The following DNAH8 variants were observed in gnomAD, a reference collection of about 807,000 sequenced individuals.
The protein encoded by DNAH8 is dynein axonemal heavy chain 8, also known as axonemal beta dynein heavy chain 8.
In DNAH8, 382 loss-of-function variants were observed where a neutral mutation model predicts 562.1. The observed-to-expected ratio is 0.68, with a 90% confidence interval of 0.63 to 0.74. The LOEUF is 0.74. Ranked by LOEUF, DNAH8 falls within the 30% of genes least tolerant of loss-of-function variation. DNAH8 has a pLI of 0.00. For missense variants in DNAH8, 5,203 were observed against 5,620.4 expected (o/e 0.93, Z 2.37); for synonymous variants, 1,881 against 1,919.4 (o/e 0.98, Z 0.52).
chr6:38,761,560 T>C (rs2127608556), intron 10 of DNAH8, 142 bp from the exon 11 acceptor site: 1 of 407,468 alleles, frequency 2.5e-6, no homozygotes, highest in African/African-American at 2.1e-5. Flanking sequence ...CCTCCCAAAG[T>C]ACTGGGATTA....
In DNAH8 at chr6:38,958,646, C is replaced by CAAAAA. The variant is rs35382684; in HGVS notation, c.12451+7145_12451+7149dup. ...TTGAATCAGTGATTAAGTCTCCCAT[C>CAAAAA]AAAAAAAAAAAAAAAAAAAAAAAGC... On this transcript the variant is annotated intron_variant, in intron 82 of 92. Transcript: ENST00000327475. Among the ~76,000 whole-genome samples the CAAAAA allele has an allele frequency of 3.7e-3, 218 of 58,256 alleles. 1 individual carries two copies. Among genetic ancestry groups the CAAAAA allele is most frequent in the East Asian group, 5.5e-3 (11 of 2,006 alleles). The allele number at this position is 58,256 out of a possible 152,430, so 38.2% of individuals were successfully genotyped here.
At chr6:39,016,575 C>T (rs1437038245) in intron 91 of DNAH8, among the ~76,000 whole-genome samples, 2 of 151,780 alleles carry the variant, frequency 1.3e-5, no homozygotes, top group Non-Finnish European at 2.9e-5. Context: ...AGAAAAAAGC[C>T]CTACATATTT....
intron 11 of DNAH8, among the ~76,000 whole-genome samples, chr6:38,768,585 A>G (rs772613017): frequency 2.0e-5 from 3 of 151,818 alleles, no homozygotes; most frequent in East Asian, 1.9e-4. Flanking sequence ...AAAAAAAACT[A>G]TTTGACTATA....
chr6:38,841,704 C>A (rs1774806664), intron 33 of DNAH8, among the ~76,000 whole-genome samples: 1 of 151,934 alleles, frequency 6.6e-6, no homozygotes, highest in African/African-American at 2.4e-5. Context: ...AACACAGTAA[C>A]TTCATCTGGG....
rs369774373 is a variant in DNAH8, at chr6:38,875,573, T to C, written c.7621-18T>C. The C allele has an allele frequency of 5.0e-6, 7 of 1,388,978 alleles. No individual in the cohort carries two copies. The highest frequency in any genetic ancestry group is 1.5e-5 in the African/African-American group (1 of 68,664). 86.0% of individuals were successfully genotyped at this position (1,388,978 alleles called of 1,614,324 possible). A position where few individuals can be genotyped will look rare whatever the true frequency, so the allele number is the denominator to read the frequency against. The stretch of plus-strand genomic sequence containing the variant: ...AAAATTTTAATTTAAAAATTTATTT[T>C]ATTTGAAACATTTTCAGTCTCTCAA... On this transcript the variant is annotated intron_variant, in intron 52 of 92. Transcript: ENST00000327475.
chr6:38,734,596 G>A lies in DNAH8; in HGVS notation c.733G>A (p.Val245Ile). 5 of 1,613,412 alleles carry A rather than the reference G, an allele frequency of 3.1e-6. No individual in the cohort carries two copies. Among genetic ancestry groups the A allele is most frequent in the Non-Finnish European group, 4.2e-6 (5 of 1,179,920 alleles). The change falls in exon 5 of 93, where the codon GTT (valine) becomes ATT (isoleucine). Residue 245 changes from valine to isoleucine, a missense_variant. Val to Ile is a conservative substitution (Grantham distance 29, BLOSUM62 3). Coordinates refer to ENST00000327475, the MANE Select transcript of DNAH8 (RefSeq NM_001206927.2). ...ATTTTTTGTTCGTTGCCGTAATGAT[G>A]TTGCTATAAATGTTAAAACTATTCA... ...CIFFVRCRND[V>I]AINVKTIQEE...
chr6:38,973,664 G>C lies in DNAH8; in HGVS notation c.12529G>C (p.Gly4177Arg). 1 of 1,590,894 alleles carries C rather than the reference G, an allele frequency of 6.3e-7. No individual in the cohort carries two copies. The highest frequency in any genetic ancestry group is 8.5e-7 in the Non-Finnish European group (1 of 1,171,614). Residue 4177 changes from glycine (G) to arginine (R), a missense_variant, in exon 84 of 93, where the codon GGT becomes CGT. Transcript: ENST00000327475. ...ATGAACTTATTTTTGGATACAGGGT[G>C]GTTGGGTATTACTACAAAATTGCCA... is the stretch of plus-strand genomic sequence containing the variant. ...KLIQMSMQQGGWVLLQNCHLG... is the reference protein window; with the variant it reads ...KLIQMSMQQGRWVLLQNCHLG...
chr6:38,770,015 C>T (rs72849162), intron 11 of DNAH8, among the ~76,000 whole-genome samples: 18,634 of 152,164 alleles, frequency 0.12, 1,392 homozygotes, highest in Admixed American at 0.22. Flanking sequence ...CTTTATGACC[C>T]TCTTTTGGAA....
At chr6:39,004,634 A>G (rs1335761746) in intron 88 of DNAH8, among the ~76,000 whole-genome samples, 1 of 152,242 alleles carries the variant, frequency 6.6e-6, no homozygotes, top group Non-Finnish European at 1.5e-5. Context: ...CCACTACAAT[A>G]TAACGTTATA....
chr6:38,861,673 A>G (rs911710489), intron 43 of DNAH8, among the ~76,000 whole-genome samples: 1 of 152,174 alleles, frequency 6.6e-6, no homozygotes, highest in African/African-American at 2.4e-5. Context: ...CTGGGACTAC[A>G]GGCGCATGCC....
At chr6:38,735,226 G>T (rs1202765698) in intron 5 of DNAH8, among the ~76,000 whole-genome samples, 5 of 152,142 alleles carry the variant, frequency 3.3e-5, no homozygotes, top group Non-Finnish European at 7.3e-5. Flanking sequence ...TTATTATATT[G>T]CCTGACATAC....
chr6:38,870,880 A>G (rs530225415), intron 49 of DNAH8, among the ~76,000 whole-genome samples: 12 of 152,272 alleles, frequency 7.9e-5, no homozygotes, highest in African/African-American at 2.9e-4. Flanking sequence ...TGCCAATCTG[A>G]TAGTACTGGC....
intron 88 of DNAH8, among the ~76,000 whole-genome samples, chr6:38,995,057 C>CTTTTTT (rs1561955597): frequency 9.2e-6 from 1 of 108,266 alleles, no homozygotes; most frequent in African/African-American, 3.5e-5. Context: ...CCCCTCATTG[C>CTTTTTT]TCTTTTTTTT....
chr6:38,888,003 AT>A (rs902099183), intron 57 of DNAH8, among the ~76,000 whole-genome samples: 2 of 151,566 alleles, frequency 1.3e-5, no homozygotes, highest in African/African-American at 4.8e-5. Flanking sequence ...CACCCGGCTA[AT>A]TTTTTTGTAT....
At chr6:38,991,938 A>G (rs185426186) in intron 88 of DNAH8, among the ~76,000 whole-genome samples, 3 of 150,946 alleles carry the variant, frequency 2.0e-5, no homozygotes, top group Admixed American at 2.0e-4. Flanking sequence ...GCTCTTCTCT[A>G]TAGTTTGTAT....
chr6:38,724,985 G>C (rs1763086431), intron 3 of DNAH8, among the ~76,000 whole-genome samples: 1 of 151,978 alleles, frequency 6.6e-6, no homozygotes, highest in South Asian at 2.1e-4. Flanking sequence ...CTAGGAGCCA[G>C]GGTTCTATGG....
chr6:38,993,252 A>G (rs896734177), intron 88 of DNAH8, among the ~76,000 whole-genome samples: 1 of 152,158 alleles, frequency 6.6e-6, no homozygotes, highest in African/African-American at 2.4e-5. Context: ...TACCACTACC[A>G]GCAACAAACC....
At chr6:38,738,043 C>G (rs577538506) in intron 7 of DNAH8, 71 bp downstream of exon 7, 14 of 1,495,318 alleles carry the variant, frequency 9.4e-6, no homozygotes, top group Middle Eastern at 1.7e-4. Context: ...TATTTTGTCT[C>G]TAACAGCAAA....
In DNAH8 at chr6:38,818,009, A is replaced by G. The variant is rs1772447274; in HGVS notation, c.3523+2352A>G. Among the ~76,000 whole-genome samples the G allele has an allele frequency of 2.6e-5, 4 of 152,086 alleles. No homozygotes were observed. The South Asian group carries it at 8.3e-4, about 32-fold the overall frequency. ...TATTTATTTACATTTTTAAAGGGGG[A>G]TTTGATTTTCAGAATTTTAGACATG... On this transcript the variant is annotated intron_variant, in intron 26 of 92. Coordinates refer to ENST00000327475, the MANE Select transcript of DNAH8 (RefSeq NM_001206927.2).
Sources: allele counts gnomAD v4.1 joint callset (sites outside exome capture counted in the v4.1 genomes callset), GRCh38; gene constraint gnomAD v4.1.1; transcripts MANE v1.5; gene names NCBI Gene and HGNC (gene_info 2026-07-23, HGNC 2026-07-21).